Variants in GLIS3 observed in about 807,000 individuals in gnomAD.
GLIS3 encodes zinc finger protein GLIS3.
GLIS3 carries 53 observed loss-of-function variants against 78.6 expected under a neutral mutation model. That is an observed-to-expected ratio of 0.67 (90% CI 0.54 to 0.85). The LOEUF (loss-of-function observed/expected upper bound fraction) is 0.85. Ranked by LOEUF, GLIS3 falls within the 40% of genes least tolerant of loss-of-function variation. The pLI is 0.00. For synonymous variants in GLIS3, 684 were observed against 509.9 expected (o/e 1.34, Z -4.60); for missense variants, 1,703 against 1,231.1 (o/e 1.38, Z -5.74).
chr9:4,354,538 C>T, the GLIS3 span, among the ~76,000 whole-genome samples: 10 of 152,202 alleles, frequency 6.6e-5, no homozygotes, highest in Admixed American at 3.9e-4. Context: ...CCAGAATCCA[C>T]GTGACCCATC....
At position 4,053,100 on chromosome 9, in the gene GLIS3, C is replaced by T. The variant is rs530637133; in HGVS notation, c.1710+64668G>A. Among the ~76,000 whole-genome samples, 134 of 152,174 alleles carry T rather than the reference C, an allele frequency of 8.8e-4. 1 individual carries two copies. Among genetic ancestry groups the T allele is most frequent in the Non-Finnish European group, 1.6e-3 (111 of 67,990 alleles). ...GTAGCTGGGACCACAGGCGCACACC[C>T]CCACATCTGGCTAATTTTTGTATTT... On this transcript the variant is annotated intron_variant, in intron 4 of 10. Coordinates refer to ENST00000381971, the MANE Select transcript of GLIS3 (RefSeq NM_001042413.2).
At chr9:4,271,911 G>A (rs991524175) in intron 2 of GLIS3, among the ~76,000 whole-genome samples, 5 of 152,148 alleles carry the variant, frequency 3.3e-5, no homozygotes, top group African/African-American at 4.8e-5. Context: ...CCATGTGACC[G>A]TGGCTAAGTT....
intron 4 of GLIS3, among the ~76,000 whole-genome samples, chr9:3,974,811 G>C (rs646058): frequency 6.6e-6 from 1 of 151,962 alleles, no homozygotes; most frequent in Non-Finnish European, 1.5e-5. Flanking sequence ...TATGCAGTTC[G>C]CTCAGGCAAT....
intron 2 of GLIS3, among the ~76,000 whole-genome samples, chr9:4,263,183 G>C (rs1005287943): frequency 6.6e-6 from 1 of 152,148 alleles, no homozygotes; most frequent in Admixed American, 6.5e-5. Context: ...TCAATTCACA[G>C]CATCCTTTGG....
intron 2 of GLIS3, among the ~76,000 whole-genome samples, chr9:4,312,455 G>C (rs888583360): frequency 6.6e-6 from 1 of 152,158 alleles, no homozygotes; most frequent in Admixed American, 6.5e-5. Flanking sequence ...GTGACAGAGT[G>C]AGACTTTGTC....
At chr9:4,290,040 A>ATGT in intron 1 of GLIS3, among the ~76,000 whole-genome samples, 1 of 152,276 alleles carries the variant, frequency 6.6e-6, no homozygotes, top group Admixed American at 6.5e-5. Flanking sequence ...AAAAGATTAA[A>ATGT]CAAACGAAAA....
intron 4 of GLIS3, among the ~76,000 whole-genome samples, chr9:4,021,476 A>G (rs1220002854): frequency 6.6e-6 from 1 of 152,150 alleles, no homozygotes; most frequent in Non-Finnish European, 1.5e-5. Flanking sequence ...AAATCATCAC[A>G]GAATACGGCA....
intron 4 of GLIS3, among the ~76,000 whole-genome samples, chr9:4,009,462 C>A (rs1821822528): frequency 6.6e-6 from 1 of 152,294 alleles, no homozygotes; most frequent in Non-Finnish European, 1.5e-5. Context: ...ATGGCCCCGG[C>A]CCTGAGACCT....
chr9:4,433,418 C>T, the GLIS3 span, among the ~76,000 whole-genome samples: 19 of 152,046 alleles, frequency 1.2e-4, no homozygotes, highest in Admixed American at 3.9e-4. Context: ...GGTGACAGAG[C>T]GAGACTCTGT....
Position 4,265,186 on chromosome 9 carries a change from A to G in GLIS3, c.388+20852T>C, listed in dbSNP as rs28525531. Reference sequence around the variant, plus strand: ...GACGCCGTCTCAAAAAAAAAAAAAAAAAAGAAATAACAATCTTTTGCCTTC... The same window carrying G: ...GACGCCGTCTCAAAAAAAAAAAAAAGAAAGAAATAACAATCTTTTGCCTTC... On this transcript the variant is annotated intron_variant, in intron 2 of 10. Transcript: ENST00000381971. Among the ~76,000 whole-genome samples the G allele has an allele frequency of 7.6e-4, 113 of 148,848 alleles. 2 individuals carry two copies. The highest frequency in any genetic ancestry group is 8.5e-4 in the South Asian group (4 of 4,716).
chr9:4,289,262 G>C (rs542879810), intron 1 of GLIS3, among the ~76,000 whole-genome samples: 1 of 151,918 alleles, frequency 6.6e-6, no homozygotes, highest in African/African-American at 2.4e-5. Flanking sequence ...TGTAACTCCA[G>C]GTAATTTAGA....
rs183089159 is a variant in GLIS3, at chr9:3,831,960, T to A, written c.2474-2468A>T. Among the ~76,000 whole-genome samples, 6 of 152,050 alleles carry A rather than the reference T, an allele frequency of 3.9e-5. No individual in the cohort carries two copies. In the East Asian group the frequency reaches 9.6e-4, roughly 24 times the overall value. ...TATCTATAGTTGTCTTTGGGTATTT[T>A]TTTTTTGCCTGTATATTTTTTCTAA... On this transcript the variant is annotated intron_variant, in intron 9 of 10. Transcript: ENST00000381971.
intron 2 of GLIS3, among the ~76,000 whole-genome samples, chr9:4,128,677 T>A (rs1385838177): frequency 6.6e-6 from 1 of 152,176 alleles, no homozygotes; most frequent in African/African-American, 2.4e-5. Context: ...CTGAATGGAA[T>A]ATGAAGTCAG....
chr9:4,097,765 A>G (rs1830074331), intron 4 of GLIS3, among the ~76,000 whole-genome samples: 1 of 152,196 alleles, frequency 6.6e-6, no homozygotes. Flanking sequence ...AAACACAGGC[A>G]GTTTATTGAG....
At chr9:4,074,659 C>T (rs911928373) in intron 4 of GLIS3, among the ~76,000 whole-genome samples, 1 of 152,192 alleles carries the variant, frequency 6.6e-6, no homozygotes, top group African/African-American at 2.4e-5. Flanking sequence ...AACTCCATCA[C>T]TATGAAGCCA....
intron 2 of GLIS3, among the ~76,000 whole-genome samples, chr9:4,273,128 C>G (rs546098958): frequency 6.6e-6 from 1 of 152,160 alleles, no homozygotes; most frequent in Non-Finnish European, 1.5e-5. Flanking sequence ...AGAGTTATGA[C>G]TAAGCTGTAG....
At chr9:4,369,989 C>T in the GLIS3 span, among the ~76,000 whole-genome samples, 4 of 151,920 alleles carry the variant, frequency 2.6e-5, no homozygotes, top group African/African-American at 7.2e-5. Flanking sequence ...TTCAGGAGTT[C>T]GAGACCAGCC....
intron 4 of GLIS3, among the ~76,000 whole-genome samples, chr9:3,991,884 G>T (rs912508524): frequency 2.6e-5 from 4 of 151,732 alleles, no homozygotes; most frequent in African/African-American, 9.7e-5. Flanking sequence ...TAGAGACGGG[G>T]TTTCACCGTA....
At chr9:4,058,212 G>C (rs775596738) in intron 4 of GLIS3, among the ~76,000 whole-genome samples, 2 of 152,140 alleles carry the variant, frequency 1.3e-5, no homozygotes, top group Non-Finnish European at 2.9e-5. Flanking sequence ...GCTCCAGCCA[G>C]TGACTGCAGG....
Sources: gnomAD v4.1 joint callset for allele counts (sites outside exome capture counted in the v4.1 genomes callset) on GRCh38, gnomAD v4.1.1 for gene constraint, MANE v1.5 for transcripts, NCBI Gene and HGNC (gene_info 2026-07-23, HGNC 2026-07-21) for gene names.